Variants in ABCA13 observed in about 807,000 individuals in gnomAD.
ABCA13 encodes ATP-binding cassette sub-family A member 13.
Under a neutral mutation model 478.7 loss-of-function variants are expected in ABCA13, and 476 were observed. The ratio of observed to expected loss-of-function variants is 0.99; its 90% CI spans 0.92 to 1.07. The LOEUF (loss-of-function observed/expected upper bound fraction) is 1.07. Ranked by LOEUF, ABCA13 falls within the 50% of genes least tolerant of loss-of-function variation. The probability of loss-of-function intolerance (pLI) is 0.00; values close to 1 mark genes in which losing one functional copy is unlikely to be tolerated. For synonymous variants in ABCA13, 2,252 were observed against 2,158.9 expected (o/e 1.04, Z -1.20); for missense variants, 6,060 against 5,910.6 (o/e 1.03, Z -0.83).
intron 35 of ABCA13, among the ~76,000 whole-genome samples, chr7:48,386,681 T>C (rs1207747098): frequency 6.6e-6 from 1 of 152,220 alleles, no homozygotes. Flanking sequence ...TGGCTAGATA[T>C]ATGCAGAAAA....
At chr7:48,350,865 G>A (rs746123104) in intron 30 of ABCA13, 46 bp downstream of exon 30, 6 of 1,565,776 alleles carry the variant, frequency 3.8e-6, no homozygotes, top group South Asian at 2.3e-5. Flanking sequence ...GCCAACTCCT[G>A]TAAGTTGTCA....
intron 1 of ABCA13, among the ~76,000 whole-genome samples, chr7:48,179,427 C>A (rs950062148): frequency 1.3e-5 from 2 of 152,306 alleles, no homozygotes; most frequent in South Asian, 2.1e-4. Context: ...TTTCCTCCCC[C>A]ACTGCCTGCT....
At chr7:48,403,625 T>C in intron 38 of ABCA13, 58 bp from the exon 39 acceptor site, 25 of 1,539,284 alleles carry the variant, frequency 1.6e-5, no homozygotes, top group Non-Finnish European at 2.2e-5. Flanking sequence ...TGGAGTGAAA[T>C]TAGAAGCAAA....
chr7:48,319,147 T>C (rs779843531), intron 27 of ABCA13, among the ~76,000 whole-genome samples: 2 of 152,248 alleles, frequency 1.3e-5, no homozygotes, highest in East Asian at 1.9e-4. Flanking sequence ...GACGGGAGGA[T>C]TGTGGGCCTG....
intron 32 of ABCA13, among the ~76,000 whole-genome samples, chr7:48,369,657 C>T (rs966741478): frequency 1.3e-5 from 2 of 152,040 alleles, no homozygotes; most frequent in African/African-American, 4.8e-5. Context: ...GTGTCCTTTC[C>T]CCACTTTATG....
At chr7:48,580,833 G>T in intron 56 of ABCA13, among the ~76,000 whole-genome samples, 1 of 152,022 alleles carries the variant, frequency 6.6e-6, no homozygotes, top group Admixed American at 6.6e-5. Flanking sequence ...GATTCCTCCT[G>T]CCAGGGGATT....
chr7:48,214,699 TTTCC>T (rs1786181558), intron 3 of ABCA13, among the ~76,000 whole-genome samples: 1 of 152,216 alleles, frequency 6.6e-6, no homozygotes, highest in Non-Finnish European at 1.5e-5. Context: ...AACTTCAGAC[TTTCC>T]TTCTGCAGCT....
Position 48,271,806 on chromosome 7 carries a change from C to T in ABCA13, c.2140C>T (p.His714Tyr). 1 of 1,512,188 alleles carries T rather than the reference C, an allele frequency of 6.6e-7. No homozygotes were observed. Among genetic ancestry groups the T allele is most frequent in the Non-Finnish European group, 8.9e-7 (1 of 1,129,348 alleles). 93.7% of individuals were successfully genotyped at this position (1,512,188 alleles called of 1,614,324 possible). A position where few individuals can be genotyped will look rare whatever the true frequency, so the allele number is the denominator to read the frequency against. The change falls in exon 17 of 62, where the codon CAC becomes TAC. Residue 714 changes from histidine (H) to tyrosine (Y), a missense_variant. His to Tyr is a moderately conservative substitution (Grantham distance 83). Transcript: ENST00000435803. ...TTACAGGGCTTTAAATTTCACAAAG[C>T]ACCTTCTAATGATGGAAAAGAAGTT... ...SISRALNFTK[H>Y]LLMMEKKLHT...
At chr7:48,527,731 T>C (rs1414644993) in intron 54 of ABCA13, among the ~76,000 whole-genome samples, 2 of 151,970 alleles carry the variant, frequency 1.3e-5, no homozygotes, top group Non-Finnish European at 2.9e-5. Flanking sequence ...GGCTCTTCAA[T>C]GGAAAAAGAA....
In ABCA13 at chr7:48,403,795, A is replaced by T; in HGVS notation, c.11986A>T (p.Thr3996Ser). 6.2e-7 allele frequency: 1 copy of T among 1,613,956 alleles called. No homozygotes were observed. Among genetic ancestry groups the T allele is most frequent in the Non-Finnish European group, 8.5e-7 (1 of 1,179,856 alleles). Residue 3996 changes from threonine to serine, a missense_variant, in exon 39 of 62, where the codon ACC (threonine) becomes TCC (serine). This residue lies in a region of ABCA13 where 1,627 missense variants were observed against 1,571.0 expected (regional missense o/e 1.04). Transcript: ENST00000435803. ...LGIAFMGMSR[T>S]VVLDEPTSGV... ...CATTGCTTTCATGGGCATGTCGAGG[A>T]CCGTGGTTCTGGATGAGCCCACCAG...
At chr7:48,511,347 A>G in intron 51 of ABCA13, 148 bp downstream of exon 51, 1 of 684,172 alleles carries the variant, frequency 1.5e-6, no homozygotes, top group South Asian at 2.0e-5. Context: ...GGAGCAAACA[A>G]GCCTGAGCAG....
chr7:48,245,962 C>T lies in ABCA13; in HGVS notation c.1591C>T (p.Leu531=). 1 of 1,613,816 alleles carries T rather than the reference C, an allele frequency of 6.2e-7. No homozygotes were observed. The highest frequency in any genetic ancestry group is 1.1e-5 in the South Asian group (1 of 91,068). Residue 531 remains leucine (L), a synonymous_variant, in exon 13 of 62, where the codon CTG becomes TTG. Coordinates refer to ENST00000435803, the MANE Select transcript of ABCA13 (RefSeq NM_152701.5). ...CAGCATATGGGGTGGTCTCCAGGGA[C>T]TGTTGTGCTATTGTAACTCCTCTGA... ...NSSIWGGLQG[L]LCYCNSSETS...
intron 43 of ABCA13, among the ~76,000 whole-genome samples, chr7:48,464,393 A>C (rs1349636026): frequency 2.0e-5 from 3 of 152,214 alleles, no homozygotes; most frequent in African/African-American, 7.2e-5. Flanking sequence ...TTCTGGCCAC[A>C]GCTGTAGGGA....
chr7:48,592,577 T>A (rs1442822093), intron 57 of ABCA13, among the ~76,000 whole-genome samples: 1 of 151,960 alleles, frequency 6.6e-6, no homozygotes. Context: ...GTTCTGTGTA[T>A]GGCTGTTAGG....
chr7:48,385,319 G>A (rs1815016326), intron 35 of ABCA13, among the ~76,000 whole-genome samples: 1 of 152,074 alleles, frequency 6.6e-6, no homozygotes, highest in Non-Finnish European at 1.5e-5. Flanking sequence ...AAAGGCCCCA[G>A]TGCATGTTGT....
chr7:48,347,172 C>CCAGG (rs1372761607), intron 29 of ABCA13, among the ~76,000 whole-genome samples: 1 of 152,106 alleles, frequency 6.6e-6, no homozygotes, highest in Non-Finnish European at 1.5e-5. Flanking sequence ...AGGTGGTGTT[C>CCAGG]CAGGGCCCAT....
At chr7:48,597,085 G>A (rs1790369179) in intron 58 of ABCA13, among the ~76,000 whole-genome samples, 1 of 151,876 alleles carries the variant, frequency 6.6e-6, no homozygotes, top group Admixed American at 6.6e-5. Flanking sequence ...CCGGGTAGCT[G>A]GGACTACAGG....
At chr7:48,331,111 T>A (rs1418550933) in intron 27 of ABCA13, among the ~76,000 whole-genome samples, 3 of 152,170 alleles carry the variant, frequency 2.0e-5, no homozygotes, top group Non-Finnish European at 2.9e-5. Context: ...AAATAATGAA[T>A]ACAACAGAAC....
chr7:48,513,196 G>C lies in ABCA13; in HGVS notation c.13640+1997G>C, dbSNP rs930680161. On this transcript the variant is annotated intron_variant, in intron 51 of 61. Coordinates refer to ENST00000435803, the MANE Select transcript of ABCA13 (RefSeq NM_152701.5). ...GGACCTATGGGTACACGGAGCCCAA[G>C]GGCAAACTCAGGAAAGCTGAATCCC... Among the ~76,000 whole-genome samples the C allele has an allele frequency of 6.6e-5, 10 of 152,292 alleles. No homozygotes were observed. The South Asian group carries it at 1.0e-3, about 16-fold the overall frequency.
Sources: allele counts gnomAD v4.1 joint callset (sites outside exome capture counted in the v4.1 genomes callset), GRCh38; gene constraint gnomAD v4.1.1; regional missense constraint gnomAD v4.1.1; transcripts MANE v1.5; gene names NCBI Gene and HGNC (gene_info 2026-07-23, HGNC 2026-07-21).